The following CAPN3 variants were observed in gnomAD, a reference collection of about 807,000 sequenced individuals.
The protein encoded by CAPN3 is calpain 3.
CAPN3 carries 88 observed loss-of-function variants against 114.0 expected under a neutral mutation model. The observed-to-expected ratio is 0.77, with a 90% CI of 0.65 to 0.92. The LOEUF (loss-of-function observed/expected upper bound fraction) is 0.92. Ranked by LOEUF, CAPN3 falls within the 40% of genes least tolerant of loss-of-function variation. CAPN3 has a pLI of 0.00. For missense variants in CAPN3, 1,028 were observed against 1,069.0 expected (o/e 0.96, Z 0.53); for synonymous variants, 386 against 382.9 (o/e 1.01, Z -0.09).
rs886044427 is a variant in CAPN3 at position 42,410,431 on chromosome 15, G to C, written c.2119G>C (p.Asp707His). The C allele has an allele frequency of 1.9e-6, 3 of 1,614,104 alleles. No homozygotes were observed. The highest frequency in any genetic ancestry group is 2.5e-6 in the Non-Finnish European group (3 of 1,179,976). Reference sequence around the variant, plus strand: ...AGCCCTGACCTCCCTCCTCCAGACAGATGGCTCTGGAAAGCTCAACCTGCA... The same window carrying C: ...AGCCCTGACCTCCCTCCTCCAGACACATGGCTCTGGAAAGCTCAACCTGCA... ...CRSMIALMDT[D>H]GSGKLNLQEF... Residue 707 changes from aspartate to histidine, a missense_variant, in exon 20 of 24, where the codon GAT (aspartate) becomes CAT (histidine). Asp to His is a moderately conservative substitution (Grantham distance 81, BLOSUM62 -1). Coordinates refer to ENST00000397163, the MANE Select transcript of CAPN3 (RefSeq NM_000070.3).
At chr15:42,410,786 C>T in intron 21 of CAPN3, 98 bp from the exon 22 acceptor site, 1 of 1,376,440 alleles carries the variant, frequency 7.3e-7, no homozygotes, top group African/African-American at 1.4e-5. Flanking sequence ...TCTCACTTTC[C>T]CTTCCCAGGT....
intron 7 of CAPN3, among the ~76,000 whole-genome samples, chr15:42,393,832 A>G (rs2141179612): frequency 6.6e-6 from 1 of 150,688 alleles, no homozygotes; most frequent in South Asian, 2.1e-4. Context: ...TGACCTCGTG[A>G]TCCGCCCACC....
Position 42,360,050 on chromosome 15 carries a change from C to CGGATGAG in CAPN3, c.246_252dup (p.Thr85GlyfsTer2). 6.2e-7 allele frequency: 1 copy of CGGATGAG among 1,614,192 alleles called. No homozygotes were observed. Among genetic ancestry groups the CGGATGAG allele is most frequent in the Non-Finnish European group, 8.5e-7 (1 of 1,180,014 alleles). On this transcript the variant is annotated frameshift_variant, in exon 1 of 24. Transcript: ENST00000397163. LOFTEE classifies it high-confidence loss of function. ...CTTTATGTGGACCCTGAGTTCCCAC[C>CGGATGAG]GGATGAGACCTCTCTCTTTTATAGC...
intron 22 of CAPN3, 101 bp from the exon 23 acceptor site, chr15:42,411,186 A>G: frequency 5.5e-6 from 6 of 1,086,342 alleles, no homozygotes; most frequent in Non-Finnish European, 8.6e-6. Flanking sequence ...CTTTGTGCTG[A>G]TGAGGGACAG....
rs771917810 is a variant in CAPN3 at position 42,410,499 on chromosome 15, G to A, written c.2184+3G>A. 141 of 1,613,942 alleles carry A rather than the reference G, an allele frequency of 8.7e-5. No individual in the cohort carries two copies. The highest frequency in any genetic ancestry group is 1.1e-4 in the Non-Finnish European group (131 of 1,179,946). On this transcript the variant is annotated splice_donor_region_variant and intron_variant, in intron 20 of 23. Coordinates refer to ENST00000397163, the MANE Select transcript of CAPN3 (RefSeq NM_000070.3). ...GGAACAAGATTAAGGCCTGGCAGGTGGGAAGAGAAAATGAAGCGTGGGAGT... is the reference window on the plus strand; with the variant it reads ...GGAACAAGATTAAGGCCTGGCAGGTAGGAAGAGAAAATGAAGCGTGGGAGT...
intron 14 of CAPN3, among the ~76,000 whole-genome samples, chr15:42,404,564 C>T (rs1382073140): frequency 6.6e-6 from 1 of 152,216 alleles, no homozygotes; most frequent in African/African-American, 2.4e-5. Context: ...TTTTTCCGCA[C>T]CTCCACGCTG....
At chr15:42,408,847 A>G (rs2054106854) in intron 16 of CAPN3, 1 of 279,018 alleles carries the variant, frequency 3.6e-6, no homozygotes, top group South Asian at 3.9e-5. Flanking sequence ...TCTTCTATCC[A>G]GGGCCCCTCT....
intron 15 of CAPN3, among the ~76,000 whole-genome samples, chr15:42,407,328 AG>A (rs1397341743): frequency 1.3e-5 from 2 of 149,046 alleles, no homozygotes; most frequent in Non-Finnish European, 3.0e-5. Context: ...GAGGCCAGAG[AG>A]GATATTTTTG....
rs1595841725 is a variant in CAPN3, at chr15:42,405,797, T to C, written c.1783-129T>C. On this transcript the variant is annotated intron_variant, in intron 14 of 23. Coordinates refer to ENST00000397163, the MANE Select transcript of CAPN3 (RefSeq NM_000070.3). Reference sequence around the variant, plus strand: ...ATGCCCCTTTTTGGCTCCATGTGATTCAGATTTCTGGACCCTGGAGCCCCA... The same window carrying C: ...ATGCCCCTTTTTGGCTCCATGTGATCCAGATTTCTGGACCCTGGAGCCCCA... 2.2e-5 allele frequency: 16 copies of C among 713,584 alleles called. No individual in the cohort carries two copies. The South Asian group carries it at 2.7e-4, about 12-fold the overall frequency. The allele number at this position is 713,584 out of a possible 1,614,324, so 44.2% of individuals were successfully genotyped here.
chr15:42,408,987 G>T (rs1052618209), intron 16 of CAPN3: 1 of 416,548 alleles, frequency 2.4e-6, no homozygotes, highest in African/African-American at 2.0e-5. Context: ...TGACCTGCGG[G>T]CACCTTTAGT....
At chr15:42,363,125 C>T (rs1485983658) in intron 1 of CAPN3, among the ~76,000 whole-genome samples, 1 of 152,140 alleles carries the variant, frequency 6.6e-6, no homozygotes, top group African/African-American at 2.4e-5. Flanking sequence ...AGGCTCTGGC[C>T]GACTGTTCCC....
intron 1 of CAPN3, among the ~76,000 whole-genome samples, chr15:42,360,822 C>T (rs1379656467): frequency 1.3e-5 from 2 of 152,188 alleles, no homozygotes; most frequent in Non-Finnish European, 2.9e-5. Context: ...TTACAGTGAT[C>T]GCCAGGAGGG....
intron 13 of CAPN3, 120 bp downstream of exon 13, chr15:42,403,122 A>T: frequency 1.3e-6 from 1 of 777,460 alleles, no homozygotes; most frequent in Admixed American, 1.9e-5. Context: ...CTCCTGAGCC[A>T]CTGGCCACAT....
In CAPN3 at chr15:42,372,785, T is replaced by C. The variant is rs1463273860; in HGVS notation, c.310-11698T>C. On this transcript the variant is annotated intron_variant, in intron 1 of 23. Coordinates refer to ENST00000397163, the MANE Select transcript of CAPN3 (RefSeq NM_000070.3). ...ATCAGTTGAACCCAGGAGGCGGAGG[T>C]TGCAGTGAGCCGAGATCGTGCCACT... Among the ~76,000 whole-genome samples, 6 of 150,116 alleles carry C rather than the reference T, an allele frequency of 4.0e-5. No homozygotes were observed. In the South Asian group the frequency reaches 1.3e-3, roughly 32 times the overall value.
chr15:42,374,818 TGAGA>T (rs1446240933), intron 1 of CAPN3, among the ~76,000 whole-genome samples: 9 of 127,338 alleles, frequency 7.1e-5, no homozygotes, highest in African/African-American at 9.8e-5. Flanking sequence ...TTTTTTTTTT[TGAGA>T]GAGAGACTTG....
At chr15:42,409,149 C>A in intron 16 of CAPN3, 154 bp from the exon 17 acceptor site, 1 of 703,586 alleles carries the variant, frequency 1.4e-6, no homozygotes, top group South Asian at 1.6e-5. Context: ...ATGCATCTCA[C>A]TCCAGCTCAC....
intron 14 of CAPN3, chr15:42,405,069 G>A (rs940550606): frequency 1.9e-5 from 18 of 965,086 alleles, no homozygotes; most frequent in South Asian, 1.4e-4. Context: ...ATGTTGGGGC[G>A]TGGGGCAATC....
At chr15:42,360,422 C>A (rs2052612242) in intron 1 of CAPN3, among the ~76,000 whole-genome samples, 1 of 151,480 alleles carries the variant, frequency 6.6e-6, no homozygotes, top group Admixed American at 6.6e-5. Context: ...CAGTTTAATT[C>A]ATCCTGTAAA....
intron 9 of CAPN3, among the ~76,000 whole-genome samples, chr15:42,398,780 CTT>C (rs765133190): frequency 1.2e-4 from 12 of 101,336 alleles, no homozygotes; most frequent in Non-Finnish European, 1.7e-4. Context: ...AGCATTAGAG[CTT>C]TTTTTTTTTT....
Sources: allele counts gnomAD v4.1 joint callset (sites outside exome capture counted in the v4.1 genomes callset), GRCh38; gene constraint gnomAD v4.1.1; transcripts MANE v1.5; gene names NCBI Gene and HGNC (gene_info 2026-07-23, HGNC 2026-07-21).